The following CCDC146 variants were observed in gnomAD, a reference collection of about 807,000 sequenced individuals.
CCDC146 encodes coiled-coil domain containing 146, also known as coiled-coil domain-containing protein 146.
In CCDC146, 92 loss-of-function variants were observed where a neutral mutation model predicts 119.3. The observed-to-expected ratio is 0.77, with a 90% CI of 0.65 to 0.92. CCDC146 has a LOEUF of 0.92. CCDC146 is among the 40% of genes least tolerant of loss of function. The pLI is 0.00. For synonymous variants in CCDC146, 372 were observed against 371.8 expected (o/e 1.00, Z -0.01); for missense variants, 1,000 against 1,103.0 (o/e 0.91, Z 1.32).
chr7:77,163,828 A>G (rs1291860236), intron 1 of CCDC146, among the ~76,000 whole-genome samples: 1 of 150,904 alleles, frequency 6.6e-6, no homozygotes, highest in Non-Finnish European at 1.5e-5. Context: ...TTTATATTTG[A>G]AACAGTTTTT....
intron 17 of CCDC146, among the ~76,000 whole-genome samples, chr7:77,290,853 G>A (rs1366907436): frequency 6.6e-6 from 1 of 152,194 alleles, no homozygotes; most frequent in Non-Finnish European, 1.5e-5. Context: ...TTTCTAAACA[G>A]AGGTACAGAT....
chr7:77,231,695 C>A (rs1792631346), intron 2 of CCDC146, among the ~76,000 whole-genome samples: 1 of 152,048 alleles, frequency 6.6e-6, no homozygotes, highest in South Asian at 2.1e-4. Context: ...TCATCATACT[C>A]TCCTTTAATT....
chr7:77,237,439 A>T (rs910639549), intron 3 of CCDC146, among the ~76,000 whole-genome samples: 3 of 152,192 alleles, frequency 2.0e-5, no homozygotes, highest in Admixed American at 2.0e-4. Flanking sequence ...AAACCAAGCA[A>T]ACTTTGATGG....
At position 77,293,113 on chromosome 7, in the gene CCDC146, G is replaced by A. The variant is rs767743646; in HGVS notation, c.2577G>A (p.Leu859=). The A allele has an allele frequency of 1.9e-6, 3 of 1,614,006 alleles. No homozygotes were observed. The East Asian group carries it at 6.7e-5, about 36-fold the overall frequency. The change falls in exon 18 of 19, where the codon CTG becomes CTA. Residue 859 remains leucine (L), a synonymous_variant. Coordinates refer to ENST00000285871, the MANE Select transcript of CCDC146 (RefSeq NM_020879.3). ...GCAATTCCAGGATAGAAAAAGGTCT[G>A]CCACTCAATAAGGAAATTGAGAAAG... ...FTCNSRIEKG[L]PLNKEIEKEW... is the part of the protein sequence containing the mutation.
At chr7:77,166,299 G>A (rs1791337097) in intron 1 of CCDC146, among the ~76,000 whole-genome samples, 1 of 152,070 alleles carries the variant, frequency 6.6e-6, no homozygotes, top group Admixed American at 6.5e-5. Context: ...TAGCTCAAAA[G>A]GTTTTATTTT....
intron 1 of CCDC146, among the ~76,000 whole-genome samples, chr7:77,144,537 G>A (rs1395526243): frequency 6.6e-6 from 1 of 151,900 alleles, no homozygotes; most frequent in East Asian, 1.9e-4. Context: ...TGTTCAGTAT[G>A]ATATTGGTTG....
intron 11 of CCDC146, among the ~76,000 whole-genome samples, chr7:77,278,015 C>T (rs1161290429): frequency 6.6e-6 from 1 of 152,202 alleles, no homozygotes; most frequent in Non-Finnish European, 1.5e-5. Context: ...CACCTCCTTA[C>T]AGCTGATCTC....
At chr7:77,213,082 C>CT (rs1792220130) in intron 2 of CCDC146, among the ~76,000 whole-genome samples, 1 of 149,658 alleles carries the variant, frequency 6.7e-6, no homozygotes, top group African/African-American at 2.5e-5. Context: ...ATAGTGATGG[C>CT]TTTTTGTGTG....
intron 2 of CCDC146, among the ~76,000 whole-genome samples, chr7:77,191,143 G>A (rs535061384): frequency 6.5e-4 from 99 of 152,270 alleles, no homozygotes; most frequent in South Asian, 3.9e-3. Flanking sequence ...ACAGCATATT[G>A]TATGCCATAG....
At chr7:77,144,358 G>A (rs1231761997) in intron 1 of CCDC146, among the ~76,000 whole-genome samples, 1 of 151,732 alleles carries the variant, frequency 6.6e-6, no homozygotes, top group African/African-American at 2.4e-5. Context: ...CATGTCATCT[G>A]CAAACAGAGA....
intron 4 of CCDC146, among the ~76,000 whole-genome samples, chr7:77,246,828 T>C (rs1792959328): frequency 6.6e-6 from 1 of 152,222 alleles, no homozygotes; most frequent in Non-Finnish European, 1.5e-5. Context: ...TTTCTTCATT[T>C]GTACAACAAA....
rs1438478027 is a variant in CCDC146, at chr7:77,294,817, C to A, written c.2819C>A (p.Ala940Asp). ...LAPFKPSEPG[A>D]NMRHIRKPVI... ...CCTTTTAAACCCAGTGAACCTGGAG[C>A]CAATATGAGGCACATAAGGAAACCT... Residue 940 changes from alanine to aspartate, a missense_variant, in exon 19 of 19, where the codon GCC becomes GAC. Ala to Asp is a moderately radical substitution (Grantham distance 126). Coordinates refer to ENST00000285871, the MANE Select transcript of CCDC146 (RefSeq NM_020879.3). 6.2e-7 allele frequency: 1 copy of A among 1,614,060 alleles called. No homozygotes were observed. The highest frequency in any genetic ancestry group is 1.7e-5 in the Admixed American group (1 of 60,012).
Position 77,189,863 on chromosome 7 carries a change from C to T in CCDC146, c.156+22039C>T, listed in dbSNP as rs965614303. ...GGTCTCTGTTCAAATTTCACCTCCACAGACAGGCCTCTTCTGACTGCTCTA... is the reference window on the plus strand; with the variant it reads ...GGTCTCTGTTCAAATTTCACCTCCATAGACAGGCCTCTTCTGACTGCTCTA... On this transcript the variant is annotated intron_variant, in intron 2 of 18. Coordinates refer to ENST00000285871, the MANE Select transcript of CCDC146 (RefSeq NM_020879.3). Among the ~76,000 whole-genome samples the T allele has an allele frequency of 3.3e-5, 5 of 152,200 alleles. 1 individual carries two copies. Among genetic ancestry groups the T allele is most frequent in the Admixed American group, 2.6e-4 (4 of 15,264 alleles).
intron 1 of CCDC146, among the ~76,000 whole-genome samples, chr7:77,141,527 T>C (rs1171966224): frequency 6.6e-6 from 1 of 152,212 alleles, no homozygotes; most frequent in African/African-American, 2.4e-5. Flanking sequence ...TCATTTACAC[T>C]CCCACCAACA....
At chr7:77,262,051 T>C (rs1793309886) in intron 8 of CCDC146, 70 bp from the exon 9 acceptor site, 4 of 1,289,474 alleles carry the variant, frequency 3.1e-6, no homozygotes, top group African/African-American at 1.5e-5. Context: ...GCTGTCTTGA[T>C]AAGTTTTGAA....
At chr7:77,224,143 C>T (rs1792458980) in intron 2 of CCDC146, among the ~76,000 whole-genome samples, 1 of 152,202 alleles carries the variant, frequency 6.6e-6, no homozygotes, top group African/African-American at 2.4e-5. Flanking sequence ...AACTTAGTGG[C>T]TTAAACACAA....
chr7:77,280,287 A>C, intron 13 of CCDC146, 142 bp from the exon 14 acceptor site: 1 of 616,642 alleles, frequency 1.6e-6, no homozygotes, highest in Admixed American at 3.3e-5. Flanking sequence ...CATAAGATGA[A>C]TATCATTATT....
intron 2 of CCDC146, chr7:77,195,347 A>G (rs1375852258): frequency 6.6e-6 from 1 of 152,206 alleles, no homozygotes; most frequent in Non-Finnish European, 1.5e-5. Context: ...TCACAGTTAC[A>G]TTGCTTTCTG....
chr7:77,183,058 A>T (rs1248150463), intron 2 of CCDC146, among the ~76,000 whole-genome samples: 1 of 152,142 alleles, frequency 6.6e-6, no homozygotes, highest in Non-Finnish European at 1.5e-5. Flanking sequence ...CTGTGCTGAA[A>T]TCTCCTTCAT....
Sources: allele counts gnomAD v4.1 joint callset (sites outside exome capture counted in the v4.1 genomes callset), GRCh38; gene constraint gnomAD v4.1.1; transcripts MANE v1.5; gene names NCBI Gene and HGNC (gene_info 2026-07-23, HGNC 2026-07-21).